The following SKA2 variants were observed in gnomAD, a reference collection of about 807,000 sequenced individuals.
SKA2 encodes spindle and kinetochore associated complex subunit 2.
Under a neutral mutation model 16.9 loss-of-function variants are expected in SKA2, and 13 were observed. The observed-to-expected ratio is 0.77, with a 90% confidence interval of 0.50 to 1.22. The LOEUF (loss-of-function observed/expected upper bound fraction) is 1.22. Ranked by LOEUF, SKA2 falls within the 50% of genes most tolerant of loss-of-function variation. SKA2 has a pLI of 0.00. For missense variants in SKA2, 107 were observed against 139.7 expected (o/e 0.77, Z 1.18); for synonymous variants, 47 against 48.5 (o/e 0.97, Z 0.13).
intron 2 of SKA2, among the ~76,000 whole-genome samples, chr17:59,128,733 C>G (rs1568305169): frequency 6.6e-6 from 1 of 151,720 alleles, no homozygotes; most frequent in Non-Finnish European, 1.5e-5. Context: ...TCTGTGGAGA[C>G]AGAAAGTAGA....
At chr17:59,126,431 TAC>T (rs1221111434) in intron 2 of SKA2, among the ~76,000 whole-genome samples, 1 of 152,034 alleles carries the variant, frequency 6.6e-6, no homozygotes, top group East Asian at 1.9e-4. Flanking sequence ...AACACACACA[TAC>T]ACACACACCA....
Position 59,111,183 on chromosome 17 carries a change from A to T in SKA2, c.*1094T>A, listed in dbSNP as rs992447455. The T allele has an allele frequency of 1.3e-5, 2 of 151,986 alleles. No individual in the cohort carries two copies. The highest frequency in any genetic ancestry group is 2.9e-5 in the Non-Finnish European group (2 of 68,010). The allele number at this position is 151,986 out of a possible 1,614,324, so 9.4% of individuals were successfully genotyped here. Reference sequence around the variant, plus strand: ...AGCTGCTACTTACATCTCAGATATGACTCCAAAGCCCAATCTTCACTACAA... The same window carrying T: ...AGCTGCTACTTACATCTCAGATATGTCTCCAAAGCCCAATCTTCACTACAA... On this transcript the variant is annotated 3_prime_UTR_variant, in exon 4 of 4. Coordinates refer to ENST00000330137, the MANE Select transcript of SKA2 (RefSeq NM_182620.4).
At chr17:59,113,037 C>T (rs1282098364) in intron 3 of SKA2, among the ~76,000 whole-genome samples, 1 of 151,876 alleles carries the variant, frequency 6.6e-6, no homozygotes, top group Non-Finnish European at 1.5e-5. Flanking sequence ...CTCAGCCTCC[C>T]GAGTAGCTAA....
intron 1 of SKA2, among the ~76,000 whole-genome samples, chr17:59,132,219 G>A (rs1380161816): frequency 6.6e-6 from 1 of 152,060 alleles, no homozygotes; most frequent in Non-Finnish European, 1.5e-5. Context: ...AGCTGTGCAT[G>A]GTGGCAGAAG....
chr17:59,119,943 C>T (rs1379489556), intron 2 of SKA2, among the ~76,000 whole-genome samples: 1 of 150,344 alleles, frequency 6.7e-6, no homozygotes, highest in Admixed American at 6.7e-5. Context: ...GAGTCTCACT[C>T]TGTTGCCCAG....
intron 2 of SKA2, among the ~76,000 whole-genome samples, chr17:59,123,032 A>G (rs550565463): frequency 7.3e-5 from 11 of 150,938 alleles, no homozygotes; most frequent in African/African-American, 2.7e-4. Flanking sequence ...AAAAAAAAAA[A>G]AAAAAAAGAA....
intron 2 of SKA2, 50 bp downstream of exon 2, chr17:59,131,231 G>C: frequency 1.6e-6 from 2 of 1,285,730 alleles, no homozygotes; most frequent in Non-Finnish European, 2.2e-6. Flanking sequence ...AAATTCTAAA[G>C]TATTCAGTTA....
At chr17:59,137,505 C>T (rs2046454710) in intron 1 of SKA2, among the ~76,000 whole-genome samples, 1 of 152,162 alleles carries the variant, frequency 6.6e-6, no homozygotes, top group Admixed American at 6.5e-5. Flanking sequence ...CTATGTGTCC[C>T]TAGGTTAAGT....
intron 2 of SKA2, among the ~76,000 whole-genome samples, chr17:59,126,150 G>A (rs1050737062): frequency 2.0e-5 from 3 of 151,900 alleles, no homozygotes; most frequent in Admixed American, 6.6e-5. Context: ...CAGCCTGGGC[G>A]ACAGAGCGAG....
At chr17:59,132,708 A>G (rs9909925) in intron 1 of SKA2, among the ~76,000 whole-genome samples, 63,813 of 152,126 alleles carry the variant, frequency 0.42, 15,415 homozygotes, top group African/African-American at 0.67. Context: ...ATACCATGCC[A>G]TTATTGAAAA....
chr17:59,115,838 A>AT (rs905375255), intron 3 of SKA2, among the ~76,000 whole-genome samples: 3 of 152,172 alleles, frequency 2.0e-5, no homozygotes, highest in African/African-American at 7.2e-5. Flanking sequence ...TTCTCAAAGA[A>AT]TTTTTCCAGG....
chr17:59,143,824 G>C (rs930037250), intron 1 of SKA2, among the ~76,000 whole-genome samples: 1 of 152,112 alleles, frequency 6.6e-6, no homozygotes, highest in African/African-American at 2.4e-5. Context: ...AAGGAATATA[G>C]GTTCATGATT....
chr17:59,154,159 C>G (rs1400360937), intron 1 of SKA2, among the ~76,000 whole-genome samples: 1 of 124,320 alleles, frequency 8.0e-6, no homozygotes, highest in Non-Finnish European at 1.6e-5. Context: ...TTAAGGAAAG[C>G]AGCCCAACCT....
chr17:59,147,785 C>G (rs1307440692), intron 1 of SKA2, among the ~76,000 whole-genome samples: 2 of 143,946 alleles, frequency 1.4e-5, no homozygotes, highest in Non-Finnish European at 3.0e-5. Flanking sequence ...TTTAAGAGCA[C>G]TAGTAGAAAT....
At chr17:59,114,457 T>C (rs1180368614) in intron 3 of SKA2, among the ~76,000 whole-genome samples, 3 of 152,260 alleles carry the variant, frequency 2.0e-5, no homozygotes, top group Non-Finnish European at 4.4e-5. Context: ...CTGTACAGCA[T>C]GTTACTGTAC....
chr17:59,113,639 C>T (rs1429408268), intron 3 of SKA2, among the ~76,000 whole-genome samples: 1 of 152,018 alleles, frequency 6.6e-6, no homozygotes, highest in Admixed American at 6.6e-5. Flanking sequence ...GCCTGACCAA[C>T]ATGGTGGAAC....
intron 1 of SKA2, among the ~76,000 whole-genome samples, chr17:59,132,595 C>T (rs2072515446): frequency 6.6e-6 from 1 of 152,090 alleles, no homozygotes; most frequent in South Asian, 2.1e-4. Context: ...ACCGAGGAAG[C>T]GGAAGTTGCA....
At chr17:59,152,834 T>C (rs568363041) in intron 1 of SKA2, among the ~76,000 whole-genome samples, 10 of 149,220 alleles carry the variant, frequency 6.7e-5, no homozygotes, top group African/African-American at 2.2e-4. Context: ...CTAATAATTA[T>C]GGAAACAAAC....
At chr17:59,151,047 A>G (rs970586049) in intron 1 of SKA2, 1 of 449,348 alleles carries the variant, frequency 2.2e-6, no homozygotes, top group Non-Finnish European at 4.6e-6. Flanking sequence ...TAGTAACAAC[A>G]TTATAGTTCT....
Sources: gnomAD v4.1 joint callset for allele counts (sites outside exome capture counted in the v4.1 genomes callset) on GRCh38, gnomAD v4.1.1 for gene constraint, MANE v1.5 for transcripts, NCBI Gene and HGNC (gene_info 2026-07-23, HGNC 2026-07-21) for gene names.